Variants in PALS1 observed in about 807,000 individuals in gnomAD.
The protein encoded by PALS1 is protein PALS1.
In PALS1, 31 loss-of-function variants were observed where a neutral mutation model predicts 78.9. The ratio of observed to expected loss-of-function variants is 0.39; its 90% CI spans 0.30 to 0.53. The LOEUF (loss-of-function observed/expected upper bound fraction) is 0.53, where lower values mean the gene tolerates loss of function less well. Among genes scored for constraint, PALS1 ranks in the 20% least tolerant of loss-of-function variants. The probability of loss-of-function intolerance (pLI) is 0.67; values close to 1 mark genes in which losing one functional copy is unlikely to be tolerated. For missense variants in PALS1, 704 were observed against 826.5 expected, an observed-to-expected ratio of 0.85 and a Z score of 1.82; for synonymous variants, 276 against 270.9, an observed-to-expected ratio of 1.02 and a Z score of -0.18.
intron 7 of PALS1, 34 bp from the exon 8 acceptor site, chr14:67,303,488 A>C (rs909840268): frequency 6.5e-7 from 1 of 1,529,070 alleles, no homozygotes; most frequent in African/African-American, 1.4e-5. Context: ...TCATAAATGC[A>C]AATTTAAAAA....
chr14:67,314,364 T>C (rs2085137207), intron 9 of PALS1, among the ~76,000 whole-genome samples: 1 of 152,224 alleles, frequency 6.6e-6, no homozygotes, highest in Non-Finnish European at 1.5e-5. Flanking sequence ...ATATTTACAT[T>C]TATTCTTTTT....
chr14:67,313,700 T>C (rs1467721476), intron 9 of PALS1, among the ~76,000 whole-genome samples: 3 of 152,198 alleles, frequency 2.0e-5, no homozygotes, highest in African/African-American at 7.2e-5. Flanking sequence ...CTGCACCATG[T>C]AAAGCACTTT....
rs1190672292 is a variant in PALS1, at chr14:67,327,718, TTA to T, written c.1851+3908_1851+3909del. On this transcript the variant is annotated intron_variant, in intron 14 of 14. Transcript: ENST00000261681. ...GGTGTTCTCATTGTTCAGTTCCCAC[TTA>T]TGAGTGAGAACATGCAGTGTTTGGT... is the stretch of plus-strand genomic sequence containing the variant. Among the ~76,000 whole-genome samples, 49 of 151,830 alleles carry T rather than the reference TTA, an allele frequency of 3.2e-4. 2 individuals carry two copies. In the East Asian group the frequency reaches 9.4e-3, roughly 29 times the overall value.
chr14:67,302,883 C>G (rs1057388704), intron 7 of PALS1, among the ~76,000 whole-genome samples: 1 of 152,106 alleles, frequency 6.6e-6, no homozygotes, highest in Non-Finnish European at 1.5e-5. Flanking sequence ...GAAACAGTAA[C>G]AAAACAAAGT....
rs190768962 is a variant in PALS1 at position 67,329,783 on chromosome 14, G to A, written c.1852-2997G>A. On this transcript the variant is annotated intron_variant, in intron 14 of 14. Transcript: ENST00000261681. ...TGTGGTACTGGCTACTGAAGAGGCCGAGTTCGTGCTACTGCACTCCAGCCT... is the reference window on the plus strand; with the variant it reads ...TGTGGTACTGGCTACTGAAGAGGCCAAGTTCGTGCTACTGCACTCCAGCCT... 4.6e-5 allele frequency among the ~76,000 whole-genome samples: 7 copies of A among 151,988 alleles called. No homozygotes were observed. In the South Asian group the frequency reaches 6.2e-4, roughly 14 times the overall value.
intron 1 of PALS1, among the ~76,000 whole-genome samples, chr14:67,265,957 A>G (rs569239304): frequency 6.6e-6 from 1 of 151,814 alleles, no homozygotes; most frequent in Non-Finnish European, 1.5e-5. Context: ...AAAAACTTTT[A>G]AAAAAAATCT....
chr14:67,280,853 T>TTCCTTCCTTCCTTCCTTCCCTCCTTCCC (rs1328488242), intron 3 of PALS1, among the ~76,000 whole-genome samples: 3 of 77,608 alleles, frequency 3.9e-5, no homozygotes, highest in Non-Finnish European at 6.3e-5. Flanking sequence ...CCTTCCTTCC[T>TTCCTTCCTTCCTTCCTTCCCTCCTTCCC]TCCCTCCCTC....
At chr14:67,256,332 A>C (rs2084144984) in intron 1 of PALS1, among the ~76,000 whole-genome samples, 1 of 152,216 alleles carries the variant, frequency 6.6e-6, no homozygotes, top group Non-Finnish European at 1.5e-5. Context: ...GTTTCATGTC[A>C]GTTCATAAAG....
intron 4 of PALS1, 70 bp downstream of exon 4, chr14:67,292,789 A>C: frequency 8.5e-7 from 1 of 1,171,262 alleles, no homozygotes; most frequent in Non-Finnish European, 1.3e-6. Context: ...GGATTATTGG[A>C]AAATACTAAT....
rs186065516 is a variant in PALS1, at chr14:67,284,731, G to T, written c.367+5194G>T. 1.8e-3 allele frequency among the ~76,000 whole-genome samples: 270 copies of T among 151,930 alleles called. 1 individual carries two copies. Among genetic ancestry groups the T allele is most frequent in the African/African-American group, 6.2e-3 (255 of 41,448 alleles). On this transcript the variant is annotated intron_variant, in intron 3 of 14. Transcript: ENST00000261681. The stretch of plus-strand genomic sequence containing the variant: ...CTTATTCTAGACATTTTATATGAAT[G>T]AAATTACATAACATAGGCTCTTTTG...
At chr14:67,272,966 G>A (rs1446977848) in intron 2 of PALS1, among the ~76,000 whole-genome samples, 3 of 152,036 alleles carry the variant, frequency 2.0e-5, no homozygotes, top group Non-Finnish European at 4.4e-5. Flanking sequence ...GAGCCACCAC[G>A]CCTGGCCTGT....
At chr14:67,244,181 A>G (rs1423597533) in intron 1 of PALS1, among the ~76,000 whole-genome samples, 2 of 152,178 alleles carry the variant, frequency 1.3e-5, no homozygotes, top group Non-Finnish European at 2.9e-5. Context: ...GTTTTTTAAT[A>G]TTTCAAACAA....
chr14:67,292,697 A>G lies in PALS1; in HGVS notation c.554A>G (p.Asn185Ser), dbSNP rs2084792274. The G allele has an allele frequency of 5.0e-6, 8 of 1,613,406 alleles. No individual in the cohort carries two copies. Among genetic ancestry groups the G allele is most frequent in the Non-Finnish European group, 6.8e-6 (8 of 1,179,632 alleles). Residue 185 changes from asparagine to serine, a missense_variant, in exon 4 of 15, where the codon AAC becomes AGC. By Grantham distance (46) the Asn-to-Ser change is conservative. Coordinates refer to ENST00000261681, the MANE Select transcript of PALS1 (RefSeq NM_022474.4). Reference protein sequence around the residue: ...KASPPFPLISNAQDLAQEVQT... With the variant: ...KASPPFPLISSAQDLAQEVQT... Reference sequence around the variant, plus strand: ...AGTCCTCCATTTCCTCTTATCTCCAACGCACAAGATCTTGCTCAAGAGGTA... The same window carrying G: ...AGTCCTCCATTTCCTCTTATCTCCAGCGCACAAGATCTTGCTCAAGAGGTA...
chr14:67,333,816 TAA>T lies in PALS1; in HGVS notation c.*864_*865del, dbSNP rs34677658. On this transcript the variant is annotated 3_prime_UTR_variant, in exon 15 of 15. Transcript: ENST00000261681. ...GTGTTCATTATAATCTGTATTGACT[TAA>T]AAAGTTTCTTCCTCATGATGCTAAT... 1.3e-5 allele frequency: 2 copies of T among 150,016 alleles called. No homozygotes were observed. The highest frequency in any genetic ancestry group is 4.3e-4 in the South Asian group (2 of 4,672). 9.3% of individuals were successfully genotyped at this position (150,016 alleles called of 1,614,324 possible).
intron 13 of PALS1, 123 bp from the exon 14 acceptor site, chr14:67,323,579 A>C (rs1783646882): frequency 7.5e-6 from 2 of 267,286 alleles, no homozygotes; most frequent in Admixed American, 5.4e-5. Context: ...ACACCACTGC[A>C]CTCTAGCCTA....
At chr14:67,328,007 A>T (rs2085385671) in intron 14 of PALS1, among the ~76,000 whole-genome samples, 1 of 152,214 alleles carries the variant, frequency 6.6e-6, no homozygotes, top group Non-Finnish European at 1.5e-5. Context: ...CAGTAATGGG[A>T]TGGCTGGGTC....
chr14:67,292,620 C>T lies in PALS1; in HGVS notation c.477C>T (p.Phe159=), dbSNP rs777041560. 2 of 1,613,664 alleles carry T rather than the reference C, an allele frequency of 1.2e-6. No individual in the cohort carries two copies. The highest frequency in any genetic ancestry group is 1.7e-4 in the Middle Eastern group (1 of 6,058). Residue 159 remains phenylalanine, a synonymous_variant, in exon 4 of 15, where the codon TTC becomes TTT. Coordinates refer to ENST00000261681, the MANE Select transcript of PALS1 (RefSeq NM_022474.4). ...LLLQLVQNKD[F]QNAFKIHNAI... The stretch of plus-strand genomic sequence containing the variant: ...TACAACTTGTTCAAAATAAGGATTT[C>T]CAGAATGCATTTAAGATACACAATG...
chr14:67,256,729 T>C (rs2084150606), intron 1 of PALS1, among the ~76,000 whole-genome samples: 1 of 151,158 alleles, frequency 6.6e-6, no homozygotes, highest in South Asian at 2.1e-4. Flanking sequence ...TGTATTTTAG[T>C]AGAGACAGGG....
chr14:67,326,472 T>G (rs2085360826), intron 14 of PALS1, among the ~76,000 whole-genome samples: 1 of 152,148 alleles, frequency 6.6e-6, no homozygotes, highest in Non-Finnish European at 1.5e-5. Context: ...CTGATTCTTT[T>G]ACTTTGCTGA....
Sources: gnomAD v4.1 joint callset for allele counts (sites outside exome capture counted in the v4.1 genomes callset) on GRCh38, gnomAD v4.1.1 for gene constraint, MANE v1.5 for transcripts, NCBI Gene and HGNC (gene_info 2026-07-23, HGNC 2026-07-21) for gene names.